The following FER1L5 variants were observed in gnomAD, a reference collection of about 807,000 sequenced individuals.
The protein encoded by FER1L5 is fer-1-like protein 5.
FER1L5 carries 187 observed loss-of-function variants against 279.9 expected under a neutral mutation model. The observed-to-expected ratio is 0.67, with a 90% CI of 0.59 to 0.75. The LOEUF (loss-of-function observed/expected upper bound fraction) is 0.75. Ranked by LOEUF, FER1L5 falls within the 30% of genes least tolerant of loss-of-function variation. The pLI, the probability that FER1L5 is intolerant of heterozygous loss-of-function variation, is 0.00. For synonymous variants in FER1L5, 921 were observed against 989.7 expected, an observed-to-expected ratio of 0.93 and a Z score of 1.30; for missense variants, 2,091 against 2,594.4, an observed-to-expected ratio of 0.81 and a Z score of 4.21.
At chr2:96,688,498 C>T (rs567638865) in intron 24 of FER1L5, among the ~76,000 whole-genome samples, 5 of 152,176 alleles carry the variant, frequency 3.3e-5, no homozygotes, top group African/African-American at 1.2e-4. Flanking sequence ...GCTCTAGAAC[C>T]AGAGGAGGGG....
Position 96,702,414 on chromosome 2 carries a change from A to AGTC in FER1L5, c.5255+14_5255+16dup. The AGTC allele has an allele frequency of 6.2e-7, 1 of 1,605,038 alleles. No homozygotes were observed. The highest frequency in any genetic ancestry group is 2.2e-5 in the East Asian group (1 of 44,506). The stretch of plus-strand genomic sequence containing the variant: ...TCTACATCAAAGGGTAGGGAAGAGG[A>AGTC]GTCAGGCTCCGGCAGAGCCCCTCAG... On this transcript the variant is annotated intron_variant, in intron 47 of 52. Transcript: ENST00000624922. This position sits in a 1 kb window ranked among gnomAD's most constrained non-coding sequence, Gnocchi z 4.0.
At position 96,689,355 on chromosome 2, in the gene FER1L5, G is replaced by A. The variant is rs1175938841; in HGVS notation, c.2504G>A (p.Trp835Ter). ...PPLGWHWQDS[W>*]TVEPQRRLLL... Reference sequence around the variant, plus strand: ...CTGGGATGGCACTGGCAGGACAGCTGGACAGTGGAACCTCAGAGAAGGTAA... The same window carrying A: ...CTGGGATGGCACTGGCAGGACAGCTAGACAGTGGAACCTCAGAGAAGGTAA... Residue 835 changes from tryptophan to a stop codon, truncating the protein, a stop_gained, in exon 25 of 53, where the codon TGG (tryptophan) becomes TAG (stop). Coordinates refer to ENST00000624922, the MANE Select transcript of FER1L5 (RefSeq NM_001293083.2). LOFTEE classifies it high-confidence loss of function. This position sits in a 1 kb window ranked among gnomAD's most constrained non-coding sequence, Gnocchi z 4.6. The A allele has an allele frequency of 6.5e-7, 1 of 1,550,348 alleles. No individual in the cohort carries two copies.
At chr2:96,659,355 T>TTCCTTCCTTCCTTCCTTCCC in intron 9 of FER1L5, among the ~76,000 whole-genome samples, 1 of 73,610 alleles carries the variant, frequency 1.4e-5, no homozygotes, top group East Asian at 5.7e-4. Context: ...CCTTCCTTCC[T>TTCCTTCCTTCCTTCCTTCCC]TCCTTCCTTC....
intron 38 of FER1L5, 32 bp downstream of exon 38, chr2:96,697,608 G>C (rs2077429122): frequency 2.5e-6 from 4 of 1,613,726 alleles, no homozygotes; most frequent in Non-Finnish European, 3.4e-6. Context: ...TCAGTGCAGG[G>C]AGGTGGGGGG....
intron 26 of FER1L5, among the ~76,000 whole-genome samples, chr2:96,690,203 C>A (rs145297618): frequency 6.6e-6 from 1 of 152,168 alleles, no homozygotes; most frequent in African/African-American, 2.4e-5. Context: ...TAGCCCCAGG[C>A]GGCTGGTGGC....
chr2:96,699,260 T>C (rs1465784411), intron 42 of FER1L5, 124 bp downstream of exon 42: 2 of 1,008,504 alleles, frequency 2.0e-6, no homozygotes, highest in Non-Finnish European at 3.0e-6. Context: ...CACAGCGTCT[T>C]ACATGCCCTG....
rs776998646 is a variant in FER1L5, at chr2:96,702,421, C to T, written c.5255+20C>T. 2 of 1,598,400 alleles carry T rather than the reference C, an allele frequency of 1.3e-6. No individual in the cohort carries two copies. Among genetic ancestry groups the T allele is most frequent in the South Asian group, 1.1e-5 (1 of 88,330 alleles). On this transcript the variant is annotated intron_variant, in intron 47 of 52. Transcript: ENST00000624922. This position sits in a 1 kb window ranked among gnomAD's most constrained non-coding sequence, Gnocchi z 4.0. The stretch of plus-strand genomic sequence containing the variant: ...CAAAGGGTAGGGAAGAGGAGTCAGG[C>T]TCCGGCAGAGCCCCTCAGTTCCCCA...
chr2:96,704,696 G>T lies in FER1L5; in HGVS notation c.*4G>T, dbSNP rs765139792. ...ACTTCCAGCCCCAGGAGACTAATTA[G>T]TCCATGCTGCCTGGCTTTCCTCCTG... On this transcript the variant is annotated 3_prime_UTR_variant, in exon 53 of 53. Coordinates refer to ENST00000624922, the MANE Select transcript of FER1L5 (RefSeq NM_001293083.2). 6.2e-7 allele frequency: 1 copy of T among 1,612,822 alleles called. No homozygotes were observed. Among genetic ancestry groups the T allele is most frequent in the East Asian group, 2.2e-5 (1 of 44,888 alleles).
chr2:96,650,080 C>G, intron 5 of FER1L5, 100 bp from the exon 6 acceptor site: 1 of 912,244 alleles, frequency 1.1e-6, no homozygotes, highest in Non-Finnish European at 1.7e-6. Context: ...TGCTTTTAGT[C>G]AGGAGATGGT....
intron 21 of FER1L5, among the ~76,000 whole-genome samples, 192 bp from the exon 22 acceptor site, chr2:96,685,748 A>T (rs945078498): frequency 6.6e-6 from 1 of 152,178 alleles, no homozygotes; most frequent in Non-Finnish European, 1.5e-5. Flanking sequence ...GGACTGGATG[A>T]GAACCCAGGG....
chr2:96,686,048 A>C lies in FER1L5; in HGVS notation c.2004A>C (p.Gln668His). Residue 668 changes from glutamine to histidine, a missense_variant, in exon 22 of 53, where the codon CAA becomes CAC. Physicochemically the swap from Gln to His is conservative, Grantham distance 24. Transcript: ENST00000624922. ...LLQELAQKAK[Q>H]AKPKDMVATA... ...AGGAACTGGCCCAAAAGGCCAAGCA[A>C]GCCAAGCCCAAGGACATGGTGGCCA... is the stretch of plus-strand genomic sequence containing the variant. 3 of 1,551,648 alleles carry C rather than the reference A, an allele frequency of 1.9e-6. No individual in the cohort carries two copies. In the East Asian group the frequency reaches 7.3e-5, roughly 38 times the overall value.
At chr2:96,679,253 C>G (rs1333555885) in intron 19 of FER1L5, among the ~76,000 whole-genome samples, 1 of 150,510 alleles carries the variant, frequency 6.6e-6, no homozygotes, top group Non-Finnish European at 1.5e-5. Flanking sequence ...GAGATGGCGT[C>G]TCGCTCCCTC....
Position 96,689,243 on chromosome 2 carries a change from TG to T in FER1L5, c.2397del (p.Gln800SerfsTer21), listed in dbSNP as rs1446001795. 25 of 1,550,306 alleles carry T rather than the reference TG, an allele frequency of 1.6e-5. No homozygotes were observed. The highest frequency in any genetic ancestry group is 2.1e-5 in the Non-Finnish European group (24 of 1,146,636). On this transcript the variant is annotated frameshift_variant, in exon 25 of 53. Coordinates refer to ENST00000624922, the MANE Select transcript of FER1L5 (RefSeq NM_001293083.2). LOFTEE classifies it high-confidence loss of function. This position sits in a 1 kb window ranked among gnomAD's most constrained non-coding sequence, Gnocchi z 4.6. Reference sequence around the variant, plus strand: ...GAATCAGGCCAAGTATAAAGACCAGTGGGGGCAGCAGGGGCTGTATCACTGC... The same window carrying T: ...GAATCAGGCCAAGTATAAAGACCAGTGGGGCAGCAGGGGCTGTATCACTGC... ...YENQAKYKDQWGQQGLYHCPN... is the reference protein window; with the variant it reads ...YENQAKYKDQXGQQGLYHCPN...
At chr2:96,690,894 G>A (rs2077115736) in intron 27 of FER1L5, among the ~76,000 whole-genome samples, 1 of 152,244 alleles carries the variant, frequency 6.6e-6, no homozygotes, top group African/African-American at 2.4e-5. Flanking sequence ...AATGATGATG[G>A]GCTGCAAGTC....
intron 9 of FER1L5, among the ~76,000 whole-genome samples, chr2:96,659,124 G>A (rs980849752): frequency 1.7e-4 from 26 of 151,472 alleles, no homozygotes; most frequent in Non-Finnish European, 2.7e-4. Context: ...CAGTAGAGAC[G>A]GGATTTCACC....
At chr2:96,662,870 T>C (rs1015801633) in intron 13 of FER1L5, among the ~76,000 whole-genome samples, 11 of 152,214 alleles carry the variant, frequency 7.2e-5, no homozygotes, top group African/African-American at 2.7e-4. Flanking sequence ...ATACTGAGTA[T>C]TTCCCAGTGA....
chr2:96,657,355 A>G (rs1339442890), intron 9 of FER1L5, among the ~76,000 whole-genome samples: 1 of 152,030 alleles, frequency 6.6e-6, no homozygotes, highest in African/African-American at 2.4e-5. Context: ...GATTACAGGC[A>G]TGAGCCACCA....
At chr2:96,692,743 T>C (rs1323012789) in intron 31 of FER1L5, among the ~76,000 whole-genome samples, 1 of 152,124 alleles carries the variant, frequency 6.6e-6, no homozygotes, top group Non-Finnish European at 1.5e-5. Context: ...TGCTCCAGCC[T>C]GGTCCTTATT....
chr2:96,662,484 A>G (rs1400404734), intron 13 of FER1L5, among the ~76,000 whole-genome samples: 1 of 152,114 alleles, frequency 6.6e-6, no homozygotes, highest in East Asian at 1.9e-4. Context: ...ACGTGGAAGA[A>G]TGAGTGCGTG....
Sources: allele counts gnomAD v4.1 joint callset (sites outside exome capture counted in the v4.1 genomes callset), GRCh38; gene constraint gnomAD v4.1.1; non-coding constraint Gnocchi (gnomAD v3.1); transcripts MANE v1.5; gene names NCBI Gene and HGNC (gene_info 2026-07-23, HGNC 2026-07-21).